The following SPART variants were observed in gnomAD, a reference collection of about 807,000 sequenced individuals.
SPART encodes spartin, also known as spastic paraplegia 20 (Troyer syndrome).
SPART carries 35 observed loss-of-function variants against 58.7 expected under a neutral mutation model. The ratio of observed to expected loss-of-function variants is 0.60; its 90% CI spans 0.46 to 0.79. The LOEUF (loss-of-function observed/expected upper bound fraction) is 0.79. Among genes scored for constraint, SPART ranks in the 30% least tolerant of loss-of-function variants. The pLI, the probability that SPART is intolerant of heterozygous loss-of-function variation, is 0.00. For missense variants in SPART, 730 were observed against 786.1 expected, an observed-to-expected ratio of 0.93 and a Z score of 0.85; for synonymous variants, 284 against 280.7, an observed-to-expected ratio of 1.01 and a Z score of -0.12.
intron 1 of SPART, among the ~76,000 whole-genome samples, chr13:36,342,137 A>C (rs891115452): frequency 1.3e-5 from 2 of 152,218 alleles, no homozygotes; most frequent in African/African-American, 4.8e-5. Context: ...TGTGCTACAT[A>C]CGATAGGACA....
rs1315377346 is a variant in SPART at position 36,302,847 on chromosome 13, G to A, written c.*1518C>T. The A allele has an allele frequency of 1.3e-5, 2 of 151,960 alleles. No individual in the cohort carries two copies. The highest frequency in any genetic ancestry group is 2.9e-5 in the Non-Finnish European group (2 of 67,956). The allele number at this position is 151,960 out of a possible 1,614,324, so 9.4% of individuals were successfully genotyped here. A position where few individuals can be genotyped will look rare whatever the true frequency, so the allele number is the denominator to read the frequency against. The stretch of plus-strand genomic sequence containing the variant: ...ACAAATTCGTTCTAACTATATTTTC[G>A]TACCCATTAATCAACCTCACTTCCC... On this transcript the variant is annotated 3_prime_UTR_variant, in exon 9 of 9. Coordinates refer to ENST00000438666, the MANE Select transcript of SPART (RefSeq NM_015087.5).
At chr13:36,318,965 T>C (rs984571562) in intron 5 of SPART, among the ~76,000 whole-genome samples, 10 of 151,912 alleles carry the variant, frequency 6.6e-5, no homozygotes, top group South Asian at 6.2e-4. Context: ...TCACGGACGC[T>C]GAGCTTCAGG....
intron 8 of SPART, among the ~76,000 whole-genome samples, chr13:36,309,049 C>G (rs2052299708): frequency 6.6e-6 from 1 of 152,088 alleles, no homozygotes; most frequent in Non-Finnish European, 1.5e-5. Flanking sequence ...TCAAGACCAT[C>G]CTGGCTAACA....
chr13:36,329,012 G>A (rs1304023363), intron 4 of SPART, among the ~76,000 whole-genome samples: 1 of 152,116 alleles, frequency 6.6e-6, no homozygotes, highest in East Asian at 1.9e-4. Context: ...GAGGCAGGAG[G>A]ATCACATGAG....
In SPART at chr13:36,335,745, T is replaced by C. The variant is rs773581543; in HGVS notation, c.86A>G (p.Lys29Arg). ...AYKKAFLFVNKGLNTDELGQK... is the reference protein window; with the variant it reads ...AYKKAFLFVNRGLNTDELGQK... ...ACCTAATTCATCTGTATTCAGACCTTTGTTAACAAATAAAAAGGCCTTCTT... is the reference window on the plus strand; with the variant it reads ...ACCTAATTCATCTGTATTCAGACCTCTGTTAACAAATAAAAAGGCCTTCTT... The change falls in exon 2 of 9, where the codon AAA (lysine) becomes AGA (arginine). Residue 29 changes from lysine (K) to arginine (R), a missense_variant. Transcript: ENST00000438666. The C allele has an allele frequency of 2.5e-6, 4 of 1,614,110 alleles. No individual in the cohort carries two copies. The East Asian group carries it at 6.7e-5, about 27-fold the overall frequency.
chr13:36,331,623 AATATAC>A (rs752582507), intron 2 of SPART, 27 bp from the exon 3 acceptor site: 2 of 1,487,060 alleles, frequency 1.3e-6, no homozygotes, highest in East Asian at 4.7e-5. Flanking sequence ...GAAGAAAAAA[AATATAC>A]ATATAAATAA....
chr13:36,357,153 C>T (rs930637789), intron 1 of SPART, among the ~76,000 whole-genome samples: 1 of 152,114 alleles, frequency 6.6e-6, no homozygotes, highest in Non-Finnish European at 1.5e-5. Context: ...TGAGGCAGAG[C>T]GTGGATGCTC....
intron 5 of SPART, among the ~76,000 whole-genome samples, chr13:36,318,465 A>T (rs1278954002): frequency 2.0e-5 from 3 of 152,186 alleles, no homozygotes; most frequent in South Asian, 2.1e-4. Flanking sequence ...TTATTCTCAA[A>T]ATACATTTTA....
intron 5 of SPART, among the ~76,000 whole-genome samples, chr13:36,317,468 C>T (rs1314747832): frequency 7.4e-6 from 1 of 135,454 alleles, no homozygotes; most frequent in Non-Finnish European, 1.6e-5. Flanking sequence ...TTTCTGTGCC[C>T]TAACTTAACT....
chr13:36,321,784 A>G (rs1020262329), intron 5 of SPART, among the ~76,000 whole-genome samples: 2 of 152,194 alleles, frequency 1.3e-5, no homozygotes, highest in African/African-American at 4.8e-5. Context: ...GTCCCCTGTG[A>G]CTTGCACATA....
At chr13:36,321,672 A>C (rs1882416266) in intron 5 of SPART, among the ~76,000 whole-genome samples, 1 of 151,804 alleles carries the variant, frequency 6.6e-6, no homozygotes, top group South Asian at 2.1e-4. Flanking sequence ...ACCCCCCAAA[A>C]ATTTTTGCTG....
At chr13:36,332,945 C>T (rs1279694493) in intron 2 of SPART, among the ~76,000 whole-genome samples, 1 of 151,542 alleles carries the variant, frequency 6.6e-6, no homozygotes, top group Non-Finnish European at 1.5e-5. Flanking sequence ...CAAGTAATAG[C>T]AGTGGTATAG....
intron 1 of SPART, among the ~76,000 whole-genome samples, chr13:36,336,529 G>A (rs1028099746): frequency 6.6e-6 from 1 of 152,162 alleles, no homozygotes; most frequent in Non-Finnish European, 1.5e-5. Flanking sequence ...CTTAACAGAT[G>A]GCTAAAATTT....
At chr13:36,312,906 C>G (rs1451500434) in intron 6 of SPART, among the ~76,000 whole-genome samples, 1 of 151,384 alleles carries the variant, frequency 6.6e-6, no homozygotes, top group Non-Finnish European at 1.5e-5. Context: ...GTACTTTTAG[C>G]TTATTCCAGC....
chr13:36,338,956 T>C (rs2137587879), intron 1 of SPART, among the ~76,000 whole-genome samples: 1 of 152,012 alleles, frequency 6.6e-6, no homozygotes, highest in African/African-American at 2.4e-5. Context: ...TTTCTAGTGC[T>C]TCACTCACAC....
chr13:36,330,475 T>C (rs1009962429), intron 3 of SPART, among the ~76,000 whole-genome samples: 13 of 152,090 alleles, frequency 8.5e-5, no homozygotes, highest in African/African-American at 3.1e-4. Flanking sequence ...CTTCGTGGTC[T>C]CCTGTTCTCA....
chr13:36,306,475 TCAACATAACTCA>T (rs1232416274), intron 8 of SPART, among the ~76,000 whole-genome samples: 9 of 151,924 alleles, frequency 5.9e-5, no homozygotes, highest in East Asian at 5.8e-4. Context: ...ACACCATAAC[TCAACATAACTCA>T]CAACATAACT....
chr13:36,319,001 C>T (rs1882051885), intron 5 of SPART, among the ~76,000 whole-genome samples: 1 of 152,080 alleles, frequency 6.6e-6, no homozygotes, highest in Non-Finnish European at 1.5e-5. Flanking sequence ...AAGGTAAGCC[C>T]GTCCCCTTCT....
upstream of SPART, among the ~76,000 whole-genome samples, chr13:36,348,247 T>C (rs1239249963): frequency 1.3e-5 from 2 of 152,196 alleles, no homozygotes; most frequent in Non-Finnish European, 2.9e-5. Context: ...ATTGTGCCAC[T>C]GCACCCCAGC....
Sources: gnomAD v4.1 joint callset for allele counts (sites outside exome capture counted in the v4.1 genomes callset) on GRCh38, gnomAD v4.1.1 for gene constraint, MANE v1.5 for transcripts, NCBI Gene and HGNC (gene_info 2026-07-23, HGNC 2026-07-21) for gene names.